The following GSAP variants were observed in gnomAD, a reference collection of about 807,000 sequenced individuals.
GSAP encodes gamma-secretase-activating protein.
Under a neutral mutation model 131.7 loss-of-function variants are expected in GSAP, and 118 were observed. That is an observed-to-expected ratio of 0.90 (90% confidence interval 0.77 to 1.04). The LOEUF (loss-of-function observed/expected upper bound fraction) is 1.04, where lower values mean the gene tolerates loss of function less well. Among genes scored for constraint, GSAP ranks in the 50% least tolerant of loss-of-function variants. The pLI is 0.00. For missense variants in GSAP, 1,019 were observed against 1,013.2 expected, an observed-to-expected ratio of 1.01 and a Z score of -0.08; for synonymous variants, 381 against 363.4, an observed-to-expected ratio of 1.05 and a Z score of -0.55.
chr7:77,351,415 T>G, intron 18 of GSAP: 1 of 981,362 alleles, frequency 1.0e-6, no homozygotes, highest in East Asian at 1.1e-4. Context: ...GGAAACTTTT[T>G]ATTAAGGTTG....
At chr7:77,338,551 G>A (rs573487334) in intron 19 of GSAP, among the ~76,000 whole-genome samples, 2 of 152,310 alleles carry the variant, frequency 1.3e-5, no homozygotes, top group African/African-American at 4.8e-5. Context: ...TCCGACTGGA[G>A]TGCCCAAAAT....
intron 19 of GSAP, among the ~76,000 whole-genome samples, chr7:77,337,499 A>C: frequency 6.6e-6 from 1 of 152,172 alleles, no homozygotes; most frequent in East Asian, 1.9e-4. Context: ...ACCAGTGAAG[A>C]AGCAGATAAA....
chr7:77,397,207 A>C (rs1355362738), intron 4 of GSAP, 139 bp downstream of exon 4: 2 of 707,312 alleles, frequency 2.8e-6, no homozygotes, highest in Non-Finnish European at 4.8e-6. Context: ...TCTTTATTTC[A>C]AACTTAACTT....
At chr7:77,325,501 TA>T (rs1227526895) in intron 23 of GSAP, among the ~76,000 whole-genome samples, 2 of 152,270 alleles carry the variant, frequency 1.3e-5, no homozygotes, top group African/African-American at 2.4e-5. Context: ...TTTTGATTCA[TA>T]TTTTTTTGGT....
chr7:77,413,893 TA>T (rs1286810634), intron 1 of GSAP, among the ~76,000 whole-genome samples: 6 of 152,154 alleles, frequency 3.9e-5, no homozygotes, highest in African/African-American at 1.4e-4. Flanking sequence ...AGCTACCTGT[TA>T]AAATATTCTT....
chr7:77,414,903 G>C lies in GSAP; in HGVS notation c.109+1310C>G, dbSNP rs182701655. 5.4e-4 allele frequency among the ~76,000 whole-genome samples: 66 copies of C among 122,156 alleles called. 1 individual carries two copies. In the East Asian group the frequency reaches 9.5e-3, roughly 18 times the overall value. 80.1% of individuals were successfully genotyped at this position (122,156 alleles called of 152,430 possible). A position where few individuals can be genotyped will look rare whatever the true frequency, so the allele number is the denominator to read the frequency against. Reference sequence around the variant, plus strand: ...GACGGAGACTTACTCTGTTGCCCAGGCTGGAGTGCAGTGGCGAGATCTCGG... The same window carrying C: ...GACGGAGACTTACTCTGTTGCCCAGCCTGGAGTGCAGTGGCGAGATCTCGG... On this transcript the variant is annotated intron_variant, in intron 1 of 30. Transcript: ENST00000257626.
intron 18 of GSAP, among the ~76,000 whole-genome samples, chr7:77,350,564 C>T (rs1451952069): frequency 1.4e-5 from 2 of 142,176 alleles, no homozygotes; most frequent in Non-Finnish European, 3.0e-5. Context: ...GGTGAAACCC[C>T]GCTCTACTAA....
At chr7:77,330,033 A>G in intron 20 of GSAP, 1 of 437,674 alleles carries the variant, frequency 2.3e-6, no homozygotes, top group Non-Finnish European at 3.9e-6. Context: ...TGTCCCCTTA[A>G]ACTTTCTGCT....
intron 18 of GSAP, among the ~76,000 whole-genome samples, chr7:77,350,878 C>T (rs1473134766): frequency 6.6e-6 from 1 of 152,082 alleles, no homozygotes; most frequent in African/African-American, 2.4e-5. Context: ...AAAGGATAAA[C>T]TTTCAAGATT....
At chr7:77,366,770 T>C (rs1251698673) in intron 12 of GSAP, among the ~76,000 whole-genome samples, 4 of 152,292 alleles carry the variant, frequency 2.6e-5, no homozygotes, top group South Asian at 2.1e-4. Flanking sequence ...GTGAAGAATA[T>C]TGATAGTTTG....
chr7:77,392,078 A>T (rs960708089), intron 5 of GSAP, among the ~76,000 whole-genome samples: 3 of 152,012 alleles, frequency 2.0e-5, no homozygotes, highest in African/African-American at 7.3e-5. Context: ...TACAAAAATT[A>T]GCCGGAAGTG....
chr7:77,341,597 T>C (rs895979652), intron 19 of GSAP, among the ~76,000 whole-genome samples: 3 of 152,320 alleles, frequency 2.0e-5, no homozygotes, highest in African/African-American at 7.2e-5. Flanking sequence ...TCATCAAATA[T>C]AAAACTCAAC....
chr7:77,362,443 T>C, intron 13 of GSAP, 140 bp downstream of exon 13: 1 of 609,184 alleles, frequency 1.6e-6, no homozygotes. Flanking sequence ...GCAGTATTCA[T>C]GCCACCGCAT....
intron 21 of GSAP, among the ~76,000 whole-genome samples, 193 bp downstream of exon 21, chr7:77,329,140 G>A (rs999570558): frequency 6.6e-6 from 1 of 152,090 alleles, no homozygotes; most frequent in African/African-American, 2.4e-5. Context: ...CAACATATAA[G>A]CTTTTCCCAC....
intron 3 of GSAP, among the ~76,000 whole-genome samples, chr7:77,401,234 T>G (rs1239055459): frequency 6.6e-6 from 1 of 151,812 alleles, no homozygotes; most frequent in Admixed American, 6.6e-5. Context: ...AGACTACAGA[T>G]TCAATAAGCG....
rs779815178 is a variant in GSAP, at chr7:77,382,585, G to C, written c.515C>G (p.Ser172Ter). The change falls in exon 7 of 31, where the codon TCA becomes TGA. Residue 172 changes from serine (S) to a stop codon, truncating the protein, a stop_gained. Coordinates refer to ENST00000257626, the MANE Select transcript of GSAP (RefSeq NM_017439.4). LOFTEE classifies it high-confidence loss of function. Reference sequence around the variant, plus strand: ...AAAGATACACTTACATTTCTCTTCTGAAATCAGTAACAGATGGTTCTCTGG... The same window carrying C: ...AAAGATACACTTACATTTCTCTTCTCAAATCAGTAACAGATGGTTCTCTGG... ...PLPENHLLLISEEKYIEQFRI... is the reference protein window; with the variant it reads ...PLPENHLLLI 6.5e-7 allele frequency: 1 copy of C among 1,545,750 alleles called. No homozygotes were observed. The highest frequency in any genetic ancestry group is 8.9e-7 in the Non-Finnish European group (1 of 1,117,898).
chr7:77,366,090 G>T (rs1795258577), intron 12 of GSAP, among the ~76,000 whole-genome samples: 1 of 151,746 alleles, frequency 6.6e-6, no homozygotes, highest in South Asian at 2.1e-4. Flanking sequence ...TAATGGAGTT[G>T]TTTTTGTCTT....
chr7:77,374,258 C>A, intron 11 of GSAP, 103 bp from the exon 12 acceptor site: 1 of 588,426 alleles, frequency 1.7e-6, no homozygotes, highest in East Asian at 3.0e-5. Flanking sequence ...GAAGTAGAAA[C>A]ACATTCCTGA....
chr7:77,351,203 A>C (rs1482726256), intron 18 of GSAP: 3 of 983,074 alleles, frequency 3.1e-6, no homozygotes, highest in Non-Finnish European at 3.6e-6. Flanking sequence ...TGTGTGCTTC[A>C]TTTATCACTA....
Sources: allele counts gnomAD v4.1 joint callset (sites outside exome capture counted in the v4.1 genomes callset), GRCh38; gene constraint gnomAD v4.1.1; transcripts MANE v1.5; gene names NCBI Gene and HGNC (gene_info 2026-07-23, HGNC 2026-07-21).